Variants in TRDN observed in about 807,000 individuals in gnomAD.
TRDN encodes the protein triadin.
Under a neutral mutation model 149.7 loss-of-function variants are expected in TRDN, and 161 were observed. The observed-to-expected ratio is 1.08, with a 90% confidence interval of 0.95 to 1.23. The LOEUF (loss-of-function observed/expected upper bound fraction) is 1.23, where lower values mean the gene tolerates loss of function less well. Among genes scored for constraint, TRDN ranks in the 50% most tolerant of loss-of-function variants. The probability of loss-of-function intolerance (pLI) is 0.00; values close to 1 mark genes in which losing one functional copy is unlikely to be tolerated. For synonymous variants in TRDN, 294 were observed against 250.5 expected (o/e 1.17, Z -1.64); for missense variants, 896 against 823.5 (o/e 1.09, Z -1.08).
chr6:123,300,034 A>G (rs1035780541), intron 24 of TRDN, among the ~76,000 whole-genome samples: 1 of 151,976 alleles, frequency 6.6e-6, no homozygotes, highest in Non-Finnish European at 1.5e-5. Context: ...GTGTTTAAGA[A>G]GCTTCCAAGT....
intron 2 of TRDN, among the ~76,000 whole-genome samples, chr6:123,567,470 T>G (rs1372329319): frequency 6.6e-6 from 1 of 152,144 alleles, no homozygotes; most frequent in Non-Finnish European, 1.5e-5. Flanking sequence ...AGAAAAGAAG[T>G]TCATTTGGCT....
intron 2 of TRDN, among the ~76,000 whole-genome samples, chr6:123,563,595 G>A (rs1218778683): frequency 2.0e-5 from 3 of 152,094 alleles, no homozygotes; most frequent in Admixed American, 6.5e-5. Flanking sequence ...TCCAAGCTAC[G>A]ATTCAACAGA....
At chr6:123,266,233 TTA>T (rs551367297) in intron 32 of TRDN, among the ~76,000 whole-genome samples, 1,324 of 36,044 alleles carry the variant, frequency 0.037, 357 homozygotes, top group African/African-American at 0.16. Flanking sequence ...GTATTATATA[TTA>T]TATATATTAT....
intron 21 of TRDN, among the ~76,000 whole-genome samples, chr6:123,349,285 A>G (rs1780363289): frequency 6.6e-6 from 1 of 152,140 alleles, no homozygotes; most frequent in Non-Finnish European, 1.5e-5. Flanking sequence ...TTGAAAATAT[A>G]TAAACTACAT....
At position 123,465,184 on chromosome 6, in the gene TRDN, G is replaced by A. The variant is rs562954696; in HGVS notation, c.854-201C>T. Among the ~76,000 whole-genome samples the A allele has an allele frequency of 6.6e-4, 100 of 152,232 alleles. 1 individual carries two copies. Among genetic ancestry groups the A allele is most frequent in the Non-Finnish European group, 1.3e-3 (88 of 68,008 alleles). ...CTTCGCGGATTCAGTTATCTTCAGAGCCATTTCTGAATATATTATTTTCCA... is the reference window on the plus strand; with the variant it reads ...CTTCGCGGATTCAGTTATCTTCAGAACCATTTCTGAATATATTATTTTCCA... On this transcript the variant is annotated intron_variant, in intron 9 of 40. Coordinates refer to ENST00000334268, the MANE Select transcript of TRDN (RefSeq NM_006073.4).
At chr6:123,594,053 A>G (rs1783914934) in intron 1 of TRDN, among the ~76,000 whole-genome samples, 1 of 152,150 alleles carries the variant, frequency 6.6e-6, no homozygotes, top group Non-Finnish European at 1.5e-5. Context: ...ATTTGCATGT[A>G]GAAAAGTGTA....
intron 10 of TRDN, among the ~76,000 whole-genome samples, chr6:123,453,138 C>A (rs988437390): frequency 6.6e-6 from 1 of 152,114 alleles, no homozygotes; most frequent in Non-Finnish European, 1.5e-5. Context: ...AGACATGAAA[C>A]TATAAAAATT....
intron 12 of TRDN, among the ~76,000 whole-genome samples, chr6:123,426,977 T>C (rs1774147117): frequency 6.7e-6 from 1 of 148,194 alleles, no homozygotes; most frequent in East Asian, 1.9e-4. Context: ...TTTTGCATTA[T>C]AAATAATTAT....
intron 10 of TRDN, among the ~76,000 whole-genome samples, chr6:123,460,087 CAT>C (rs1425889744): frequency 3.3e-5 from 5 of 152,200 alleles, no homozygotes; most frequent in African/African-American, 1.2e-4. Flanking sequence ...ATAGTTGACA[CAT>C]AATCTTGAAA....
In TRDN at chr6:123,272,973, C is replaced by A; in HGVS notation, c.1663G>T (p.Gly555Cys). ...ACCACCTGCAAAATACCTGGTTTACCATGAGAAACAGTCTTTTCTGGTTTC... is the reference window on the plus strand; with the variant it reads ...ACCACCTGCAAAATACCTGGTTTACAATGAGAAACAGTCTTTTCTGGTTTC... ...IVKPEKTVSHGKPEEKVLKQV... is the reference protein window; with the variant it reads ...IVKPEKTVSHCKPEEKVLKQV... The change falls in exon 29 of 41, where the codon GGT (glycine) becomes TGT (cysteine). Residue 555 changes from glycine to cysteine, a missense_variant. Physicochemically the swap from Gly to Cys is radical, Grantham distance 159. Transcript: ENST00000334268. 1 of 1,529,090 alleles carries A rather than the reference C, an allele frequency of 6.5e-7. No homozygotes were observed. Among genetic ancestry groups the A allele is most frequent in the Non-Finnish European group, 8.8e-7 (1 of 1,138,168 alleles). 94.7% of individuals were successfully genotyped at this position (1,529,090 alleles called of 1,614,324 possible).
chr6:123,324,721 G>T (rs546647397), intron 23 of TRDN, among the ~76,000 whole-genome samples: 134 of 152,222 alleles, frequency 8.8e-4, no homozygotes, highest in Admixed American at 1.4e-3. Flanking sequence ...TTAACATTTT[G>T]GATGAAGATT....
intron 1 of TRDN, among the ~76,000 whole-genome samples, chr6:123,592,539 T>C (rs1341070958): frequency 6.6e-6 from 1 of 152,170 alleles, no homozygotes; most frequent in African/African-American, 2.4e-5. Context: ...GAACAGTGAA[T>C]TCCCTATCGG....
intron 38 of TRDN, among the ~76,000 whole-genome samples, chr6:123,235,089 A>G (rs1391254377): frequency 6.6e-6 from 1 of 152,164 alleles, no homozygotes. Flanking sequence ...AACCAATTAG[A>G]TGAACCCTAA....
chr6:123,396,480 T>C (rs903560730), intron 12 of TRDN, among the ~76,000 whole-genome samples: 1 of 152,218 alleles, frequency 6.6e-6, no homozygotes, highest in Non-Finnish European at 1.5e-5. Context: ...ACCATAACAA[T>C]ATTCAACTAA....
rs1222979254 is a variant in TRDN, at chr6:123,548,625, A to T, written c.233-13T>A. 1 of 46,714 alleles carries T rather than the reference A, an allele frequency of 2.1e-5. No individual in the cohort carries two copies. Among genetic ancestry groups the T allele is most frequent in the Admixed American group, 2.2e-4 (1 of 4,534 alleles). The allele number at this position is 46,714 out of a possible 1,614,324, so 2.9% of individuals were successfully genotyped here. ...GCAATAGAGCTTGCTAAAAGTAATT[A>T]AAAAAAAAAAAAAAGAAAAAGTTTG... On this transcript the variant is annotated splice_polypyrimidine_tract_variant and intron_variant, in intron 2 of 40. Transcript: ENST00000334268.
chr6:123,490,813 A>G, intron 9 of TRDN, among the ~76,000 whole-genome samples: 1 of 152,240 alleles, frequency 6.6e-6, no homozygotes, highest in South Asian at 2.1e-4. Context: ...AAATACAAAA[A>G]TGAAAACCTG....
chr6:123,569,997 A>G (rs1782480620), intron 2 of TRDN, among the ~76,000 whole-genome samples: 2 of 152,238 alleles, frequency 1.3e-5, no homozygotes, highest in South Asian at 4.1e-4. Context: ...GGTCTGTGGC[A>G]TAGCCATCTC....
chr6:123,382,211 C>A, intron 14 of TRDN, 64 bp from the exon 15 acceptor site: 1 of 1,091,780 alleles, frequency 9.2e-7, no homozygotes. Context: ...GATCAGCTCA[C>A]AACAAATTTC....
intron 24 of TRDN, among the ~76,000 whole-genome samples, chr6:123,310,882 G>A (rs1176710345): frequency 6.6e-6 from 1 of 151,960 alleles, no homozygotes; most frequent in African/African-American, 2.4e-5. Flanking sequence ...AGAATTTAAA[G>A]CAGGAAGGGA....
Sources: allele counts gnomAD v4.1 joint callset (sites outside exome capture counted in the v4.1 genomes callset), GRCh38; gene constraint gnomAD v4.1.1; transcripts MANE v1.5; gene names NCBI Gene and HGNC (gene_info 2026-07-23, HGNC 2026-07-21).